Variants in TMEM163 observed in about 807,000 individuals in gnomAD.
The protein encoded by TMEM163 is transmembrane protein 163.
TMEM163 carries 17 observed loss-of-function variants against 29.3 expected under a neutral mutation model. The ratio of observed to expected loss-of-function variants is 0.58; its 90% CI spans 0.40 to 0.87. The LOEUF is 0.87. Ranked by LOEUF, TMEM163 falls within the 40% of genes least tolerant of loss-of-function variation. The pLI is 0.00. For synonymous variants in TMEM163, 157 were observed against 160.6 expected (o/e 0.98, Z 0.17); for missense variants, 303 against 381.5 (o/e 0.79, Z 1.71).
chr2:134,462,013 G>T (rs1033903425), intron 6 of TMEM163, among the ~76,000 whole-genome samples: 1 of 152,176 alleles, frequency 6.6e-6, no homozygotes, highest in Non-Finnish European at 1.5e-5. Flanking sequence ...AAGAAGCCCA[G>T]ATCCCAGATA....
intron 4 of TMEM163, among the ~76,000 whole-genome samples, chr2:134,530,429 C>T (rs1285892928): frequency 6.6e-5 from 10 of 152,170 alleles, no homozygotes; most frequent in African/African-American, 1.2e-4. Context: ...GTGTGCAACA[C>T]CATGCCCAGC....
chr2:134,491,617 T>A (rs139666328), intron 5 of TMEM163, among the ~76,000 whole-genome samples: 140 of 152,324 alleles, frequency 9.2e-4, no homozygotes, highest in African/African-American at 3.3e-3. Flanking sequence ...ACTGATATGA[T>A]GTAGTCTGGA....
At chr2:134,476,838 A>C (rs1225758156) in intron 5 of TMEM163, among the ~76,000 whole-genome samples, 1 of 152,168 alleles carries the variant, frequency 6.6e-6, no homozygotes, top group Non-Finnish European at 1.5e-5. Flanking sequence ...CTGACCCTGT[A>C]GTATGGCCTG....
intron 2 of TMEM163, among the ~76,000 whole-genome samples, chr2:134,665,213 G>T (rs373758675): frequency 6.6e-6 from 1 of 152,136 alleles, no homozygotes; most frequent in South Asian, 2.1e-4. Flanking sequence ...CCAGGACTGG[G>T]TAATTTATAA....
At chr2:134,625,020 T>A (rs1682817170) in intron 2 of TMEM163, among the ~76,000 whole-genome samples, 1 of 152,206 alleles carries the variant, frequency 6.6e-6, no homozygotes, top group Non-Finnish European at 1.5e-5. Context: ...GCTGAATGCC[T>A]AGTATATTAC....
At chr2:134,513,726 C>T (rs1679997658) in intron 4 of TMEM163, among the ~76,000 whole-genome samples, 1 of 152,212 alleles carries the variant, frequency 6.6e-6, no homozygotes, top group South Asian at 2.1e-4. Context: ...CCTCCAAGCT[C>T]CATTCTCCCT....
At chr2:134,695,037 C>T (rs983669203) in intron 2 of TMEM163, among the ~76,000 whole-genome samples, 8 of 152,050 alleles carry the variant, frequency 5.3e-5, no homozygotes, top group African/African-American at 1.9e-4. Flanking sequence ...AAACCAATAA[C>T]AAAGCTAATA....
intron 2 of TMEM163, among the ~76,000 whole-genome samples, chr2:134,704,148 C>T (rs1684758003): frequency 6.6e-6 from 1 of 152,090 alleles, no homozygotes; most frequent in Non-Finnish European, 1.5e-5. Context: ...TCTGCACCTG[C>T]TTCTTTCAGG....
chr2:134,584,743 C>A (rs143186859), intron 2 of TMEM163, among the ~76,000 whole-genome samples: 4 of 151,918 alleles, frequency 2.6e-5, no homozygotes, highest in Non-Finnish European at 5.9e-5. Flanking sequence ...CAACTTTTAC[C>A]GGATTCAGAC....
intron 2 of TMEM163, among the ~76,000 whole-genome samples, chr2:134,612,356 T>C (rs1326679553): frequency 6.6e-6 from 1 of 152,114 alleles, no homozygotes; most frequent in East Asian, 1.9e-4. Flanking sequence ...CAGGGGCCTT[T>C]GGAAAGCTCT....
At chr2:134,648,562 G>A (rs981858137) in intron 2 of TMEM163, among the ~76,000 whole-genome samples, 2 of 152,120 alleles carry the variant, frequency 1.3e-5, no homozygotes, top group South Asian at 2.1e-4. Flanking sequence ...TACCTGATGA[G>A]TAGGAAAGAT....
At chr2:134,508,336 T>C (rs556352837) in intron 4 of TMEM163, among the ~76,000 whole-genome samples, 1 of 152,356 alleles carries the variant, frequency 6.6e-6, no homozygotes, top group East Asian at 1.9e-4. Context: ...ATGTATCACC[T>C]TTCACTCTGG....
intron 4 of TMEM163, among the ~76,000 whole-genome samples, chr2:134,533,656 C>T (rs372254646): frequency 2.8e-4 from 42 of 152,262 alleles, no homozygotes; most frequent in African/African-American, 9.1e-4. Context: ...TCTGAGCTCT[C>T]CAAGGTTAAT....
intron 2 of TMEM163, among the ~76,000 whole-genome samples, chr2:134,606,481 C>T (rs1382569193): frequency 4.6e-5 from 7 of 152,322 alleles, no homozygotes; most frequent in South Asian, 2.1e-4. Context: ...CCCTCCTCTT[C>T]GAGTCTCTCC....
chr2:134,614,012 T>C (rs1438203181), intron 2 of TMEM163, among the ~76,000 whole-genome samples: 1 of 152,044 alleles, frequency 6.6e-6, no homozygotes, highest in Non-Finnish European at 1.5e-5. Flanking sequence ...AATGTCCCAA[T>C]AGCCAAAACA....
chr2:134,675,771 C>T (rs1684102052), intron 2 of TMEM163, among the ~76,000 whole-genome samples: 1 of 152,154 alleles, frequency 6.6e-6, no homozygotes, highest in Admixed American at 6.5e-5. Context: ...AATCCGGTCC[C>T]AGGATTTAGG....
At chr2:134,703,861 AAG>A (rs1491018230) in intron 2 of TMEM163, among the ~76,000 whole-genome samples, 1 of 151,896 alleles carries the variant, frequency 6.6e-6, no homozygotes, top group East Asian at 1.9e-4. Context: ...AAAAAAAAAA[AAG>A]ATCGAAAATA....
At chr2:134,571,270 T>A (rs1312925663) in intron 2 of TMEM163, among the ~76,000 whole-genome samples, 1 of 152,220 alleles carries the variant, frequency 6.6e-6, no homozygotes, top group Admixed American at 6.5e-5. Context: ...GCCCATATAC[T>A]GTCTCGCTTT....
intron 6 of TMEM163, 89 bp downstream of exon 6, chr2:134,466,025 G>T: frequency 3.3e-6 from 3 of 922,932 alleles, no homozygotes; most frequent in Non-Finnish European, 5.0e-6. Flanking sequence ...GAGTTCTCCA[G>T]CAAGGGAAAC....
Sources: allele counts gnomAD v4.1 joint callset (sites outside exome capture counted in the v4.1 genomes callset), GRCh38; gene constraint gnomAD v4.1.1; transcripts MANE v1.5; gene names NCBI Gene and HGNC (gene_info 2026-07-23, HGNC 2026-07-21).